Variants in SESTD1 observed in about 807,000 individuals in gnomAD.
The protein encoded by SESTD1 is SEC14 and spectrin domain containing 1.
A neutral mutation model predicts 101.7 loss-of-function variants in SESTD1; 43 were observed. The ratio of observed to expected loss-of-function variants is 0.42; its 90% CI spans 0.33 to 0.55. The LOEUF is 0.55. Ranked by LOEUF, SESTD1 falls within the 20% of genes least tolerant of loss-of-function variation. The pLI is 0.07. For missense variants in SESTD1, 647 were observed against 815.1 expected (o/e 0.79, Z 2.51); for synonymous variants, 283 against 286.8 (o/e 0.99, Z 0.13).
intron 1 of SESTD1, chr2:179,264,013 G>A (rs2047520031): frequency 6.6e-6 from 1 of 152,320 alleles, no homozygotes; most frequent in South Asian, 2.1e-4. Flanking sequence ...AAAGGAGCCA[G>A]TCGCGGGCGC....
At chr2:179,141,506 A>ATT (rs377655746) in intron 9 of SESTD1, among the ~76,000 whole-genome samples, 1 of 146,556 alleles carries the variant, frequency 6.8e-6, no homozygotes, top group African/African-American at 2.5e-5. Context: ...TATTGTAGAC[A>ATT]TTTTTTTTTT....
At chr2:179,124,292 C>T (rs2044820133) in intron 11 of SESTD1, 72 bp downstream of exon 11, 1 of 1,438,392 alleles carries the variant, frequency 7.0e-7, no homozygotes, top group Non-Finnish European at 9.4e-7. Flanking sequence ...GCATGCAAAC[C>T]TGAAAAAAAT....
At chr2:179,147,446 C>A (rs1250448235) in intron 7 of SESTD1, among the ~76,000 whole-genome samples, 1 of 151,660 alleles carries the variant, frequency 6.6e-6, no homozygotes, top group African/African-American at 2.4e-5. Context: ...ACTACAACCT[C>A]CGCCTCCCAG....
At chr2:179,211,313 A>G (rs2046647847) in intron 1 of SESTD1, among the ~76,000 whole-genome samples, 1 of 133,000 alleles carries the variant, frequency 7.5e-6, no homozygotes, top group Non-Finnish European at 1.6e-5. Flanking sequence ...AAAAAATCCT[A>G]AAATTCATAT....
chr2:179,188,065 A>G lies in SESTD1; in HGVS notation c.55+3722T>C, dbSNP rs146052276. On this transcript the variant is annotated intron_variant, in intron 2 of 17. Transcript: ENST00000428443. ...AACATATTCTGAACTTAAATTTGACACTTGACCAACTGGACCTAATAGACA... is the reference window on the plus strand; with the variant it reads ...AACATATTCTGAACTTAAATTTGACGCTTGACCAACTGGACCTAATAGACA... 3.9e-4 allele frequency among the ~76,000 whole-genome samples: 60 copies of G among 152,292 alleles called. 1 individual carries two copies. In the East Asian group the frequency reaches 0.011, roughly 27 times the overall value.
chr2:179,236,503 GT>G (rs1168578139), intron 1 of SESTD1, among the ~76,000 whole-genome samples: 1 of 151,814 alleles, frequency 6.6e-6, no homozygotes, highest in Non-Finnish European at 1.5e-5. Flanking sequence ...TATCTAAAAA[GT>G]AATTTTTTTA....
chr2:179,229,541 A>G (rs555575804), intron 1 of SESTD1, among the ~76,000 whole-genome samples: 1 of 152,018 alleles, frequency 6.6e-6, no homozygotes, highest in East Asian at 1.9e-4. Context: ...ATAGATATAC[A>G]TATGTTTTTA....
In SESTD1 at chr2:179,172,213, C is replaced by T. The variant is rs1267773311; in HGVS notation, c.276G>A (p.Val92=). 3.1e-6 allele frequency: 5 copies of T among 1,605,548 alleles called. No homozygotes were observed. Among genetic ancestry groups the T allele is most frequent in the Non-Finnish European group, 4.3e-6 (5 of 1,174,588 alleles). The change falls in exon 5 of 18, where the codon GTG becomes GTA. Residue 92 remains valine, a synonymous_variant. Transcript: ENST00000428443. ...VMLQNVVPAE[V]SLVCVVKPDE... ...CTGGCTTTACCACACAAACAAGGGA[C>T]ACCTCAGCTGGAACAACATTCTATA...
At chr2:179,213,516 C>A (rs1235255438) in intron 1 of SESTD1, among the ~76,000 whole-genome samples, 1 of 135,076 alleles carries the variant, frequency 7.4e-6, no homozygotes, top group Non-Finnish European at 1.6e-5. Context: ...ACCAAATCTA[C>A]GTTTGATTGG....
At chr2:179,242,343 T>C (rs1042081452) in intron 1 of SESTD1, among the ~76,000 whole-genome samples, 2 of 152,204 alleles carry the variant, frequency 1.3e-5, no homozygotes, top group Admixed American at 6.5e-5. Context: ...AAACATTACA[T>C]GTTCATGAAT....
intron 5 of SESTD1, among the ~76,000 whole-genome samples, chr2:179,169,039 T>C (rs2045884630): frequency 6.6e-6 from 1 of 152,102 alleles, no homozygotes; most frequent in African/African-American, 2.4e-5. Flanking sequence ...TAAAAAATAC[T>C]TAGTCCAAAG....
intron 6 of SESTD1, 132 bp downstream of exon 6, chr2:179,151,146 G>T: frequency 1.9e-6 from 1 of 521,892 alleles, no homozygotes; most frequent in Non-Finnish European, 3.2e-6. Flanking sequence ...ATGCTATAAT[G>T]TGGTATGCAC....
At chr2:179,190,350 G>A (rs1574020881) in intron 2 of SESTD1, among the ~76,000 whole-genome samples, 1 of 152,066 alleles carries the variant, frequency 6.6e-6, no homozygotes, top group Non-Finnish European at 1.5e-5. Flanking sequence ...GCAGAAGAAT[G>A]AAACTGAACC....
chr2:179,143,062 T>C (rs1013895351), intron 9 of SESTD1, among the ~76,000 whole-genome samples: 7 of 131,830 alleles, frequency 5.3e-5, no homozygotes, highest in Middle Eastern at 7.9e-3. Flanking sequence ...ATAACAGAAA[T>C]GTCTCCCTTT....
chr2:179,170,734 T>C (rs1489897095), intron 5 of SESTD1, among the ~76,000 whole-genome samples: 1 of 152,082 alleles, frequency 6.6e-6, no homozygotes, highest in Non-Finnish European at 1.5e-5. Flanking sequence ...TCATGGCCAC[T>C]CCTCTCCCTC....
At chr2:179,143,944 T>C in intron 8 of SESTD1, 141 bp from the exon 9 acceptor site, 1 of 794,108 alleles carries the variant, frequency 1.3e-6, no homozygotes, top group Non-Finnish European at 1.9e-6. Context: ...TTTAAAAATG[T>C]ATGTATCACA....
At chr2:179,256,547 T>C (rs1345224025) in intron 1 of SESTD1, among the ~76,000 whole-genome samples, 1 of 152,162 alleles carries the variant, frequency 6.6e-6, no homozygotes, top group African/African-American at 2.4e-5. Context: ...GCACGGTGTC[T>C]TACGCCTGTA....
chr2:179,228,291 C>G (rs1207479547), intron 1 of SESTD1, among the ~76,000 whole-genome samples: 1 of 152,092 alleles, frequency 6.6e-6, no homozygotes, highest in East Asian at 1.9e-4. Context: ...AACACTACTC[C>G]CGGCCTGAAT....
intron 1 of SESTD1, among the ~76,000 whole-genome samples, chr2:179,257,664 G>A (rs2047419098): frequency 6.6e-6 from 1 of 152,044 alleles, no homozygotes; most frequent in Non-Finnish European, 1.5e-5. Context: ...TAAAGGCAAA[G>A]AATAGAGAAA....
Sources: gnomAD v4.1 joint callset for allele counts (sites outside exome capture counted in the v4.1 genomes callset) on GRCh38, gnomAD v4.1.1 for gene constraint, MANE v1.5 for transcripts, NCBI Gene and HGNC (gene_info 2026-07-23, HGNC 2026-07-21) for gene names.